C12orf75: variants seen among roughly 807,000 people sequenced by gnomAD.
C12orf75 encodes overexpressed in colon carcinoma 1 protein.
A neutral mutation model predicts 11.4 loss-of-function variants in C12orf75; 4 were observed. That is an observed-to-expected ratio of 0.35 (90% CI 0.17 to 0.80). C12orf75 has a LOEUF of 0.80. C12orf75 is among the 30% of genes least tolerant of loss of function. The pLI is 0.52. For missense variants in C12orf75, 89 were observed against 80.4 expected, an observed-to-expected ratio of 1.11 and a Z score of -0.41; for synonymous variants, 30 against 30.0, an observed-to-expected ratio of 1.00 and a Z score of 0.00.
At chr12:105,337,185 G>A (rs768174810) in intron 1 of C12orf75, among the ~76,000 whole-genome samples, 15 of 151,956 alleles carry the variant, frequency 9.9e-5, no homozygotes, top group Non-Finnish European at 1.3e-4. Flanking sequence ...TTAACCAGGC[G>A]TGGTGGCGCA....
intron 2 of C12orf75, 101 bp downstream of exon 2, chr12:105,348,727 A>C: frequency 1.4e-6 from 1 of 694,934 alleles, no homozygotes; most frequent in Non-Finnish European, 2.4e-6. Flanking sequence ...GGCTGAAAAG[A>C]CATGGAAATA....
chr12:105,367,512 G>A lies in C12orf75; in HGVS notation c.*33+3G>A. ...CATCATGACTCAAGAATCAAGAGGT[G>A]CTGTATATTTTTCTAAATAATTCTA... is the stretch of plus-strand genomic sequence containing the variant. On this transcript the variant is annotated splice_donor_region_variant and intron_variant, in intron 5 of 5. Transcript: ENST00000443585. 1 of 775,780 alleles carries A rather than the reference G, an allele frequency of 1.3e-6. No homozygotes were observed. Among genetic ancestry groups the A allele is most frequent in the South Asian group, 2.0e-5 (1 of 49,512 alleles). The allele number at this position is 775,780 out of a possible 1,614,324, so 48.1% of individuals were successfully genotyped here.
intron 1 of C12orf75, among the ~76,000 whole-genome samples, chr12:105,342,720 A>G (rs545404574): frequency 9.8e-5 from 15 of 152,312 alleles, no homozygotes; most frequent in Middle Eastern, 3.4e-3. Context: ...GCCAAGAGTC[A>G]TCTCATTAGA....
rs1306018163 is a variant in C12orf75, at chr12:105,365,736, T to C, written c.72-71T>C. The C allele has an allele frequency of 8.3e-6, 9 of 1,085,848 alleles. No homozygotes were observed. The East Asian group carries it at 1.3e-4, about 16-fold the overall frequency. 67.3% of individuals were successfully genotyped at this position (1,085,848 alleles called of 1,614,324 possible). On this transcript the variant is annotated intron_variant, in intron 2 of 5. Transcript: ENST00000443585. ...TGACTTCAACTCAGTAGTCCCTTTT[T>C]CTCATAACCAAAAATGAAGTCCCCG... is the stretch of plus-strand genomic sequence containing the variant.
At chr12:105,331,354 A>G (rs1892420230) in intron 1 of C12orf75, among the ~76,000 whole-genome samples, 1 of 151,726 alleles carries the variant, frequency 6.6e-6, no homozygotes, top group Admixed American at 6.6e-5. Context: ...GGAAAAGTGC[A>G]GCAGAGCAAG....
At chr12:105,344,639 A>G (rs1408713298) in intron 1 of C12orf75, among the ~76,000 whole-genome samples, 1 of 151,914 alleles carries the variant, frequency 6.6e-6, no homozygotes, top group East Asian at 1.9e-4. Flanking sequence ...CCAGCTACTC[A>G]GGAGGCTGAG....
intron 1 of C12orf75, among the ~76,000 whole-genome samples, chr12:105,340,534 T>C (rs2136141815): frequency 6.6e-6 from 1 of 152,176 alleles, no homozygotes; most frequent in East Asian, 1.9e-4. Context: ...ATGATACATA[T>C]ATTACATTTA....
chr12:105,370,032 A>T (rs1257648232), intron 5 of C12orf75, among the ~76,000 whole-genome samples: 7 of 152,208 alleles, frequency 4.6e-5, no homozygotes, highest in African/African-American at 1.7e-4. Context: ...TTCAAAGTTG[A>T]TTTGGTTTGG....
At position 105,355,865 on chromosome 12, in the gene C12orf75, G is replaced by C. The variant is rs1012085249; in HGVS notation, c.71+7239G>C. 2.6e-5 allele frequency among the ~76,000 whole-genome samples: 4 copies of C among 152,290 alleles called. No individual in the cohort carries two copies. In the East Asian group the frequency reaches 7.7e-4, roughly 29 times the overall value. On this transcript the variant is annotated intron_variant, in intron 2 of 5. Transcript: ENST00000443585. ...TGCCCCTTAGTAAGAGAATAACTGGGGGGAGGAGAGCTAGAGAGGACAGGG... is the reference window on the plus strand; with the variant it reads ...TGCCCCTTAGTAAGAGAATAACTGGCGGGAGGAGAGCTAGAGAGGACAGGG...
intron 1 of C12orf75, among the ~76,000 whole-genome samples, chr12:105,341,503 G>C (rs1282918922): frequency 6.6e-6 from 1 of 152,116 alleles, no homozygotes; most frequent in Non-Finnish European, 1.5e-5. Flanking sequence ...ATAGATTTGG[G>C]GGTCTTCACA....
At chr12:105,364,763 C>T (rs1261573555) in intron 2 of C12orf75, among the ~76,000 whole-genome samples, 4 of 151,468 alleles carry the variant, frequency 2.6e-5, no homozygotes, top group African/African-American at 9.7e-5. Context: ...CTTATGTATG[C>T]CAACTAGTGC....
rs35185869 is a variant in C12orf75, at chr12:105,344,745, C to CAAA, written c.47-3840_47-3838dup. On this transcript the variant is annotated intron_variant, in intron 1 of 5. Transcript: ENST00000443585. ...TAGGCAACAGAGTGAGACTCTGTGT[C>CAAA]AAAAAAAAAAAAAAAAAAAGTTGAG... is the stretch of plus-strand genomic sequence containing the variant. 3.6e-4 allele frequency among the ~76,000 whole-genome samples: 37 copies of CAAA among 102,560 alleles called. 1 individual carries two copies. Among genetic ancestry groups the CAAA allele is most frequent in the South Asian group, 1.0e-3 (3 of 2,938 alleles). The allele number at this position is 102,560 out of a possible 152,430, so 67.3% of individuals were successfully genotyped here. A position where few individuals can be genotyped will look rare whatever the true frequency, so the allele number is the denominator to read the frequency against.
chr12:105,344,193 T>C (rs908849370), intron 1 of C12orf75, among the ~76,000 whole-genome samples: 4 of 152,230 alleles, frequency 2.6e-5, no homozygotes, highest in African/African-American at 9.6e-5. Context: ...ATTTCTCATT[T>C]CACACACGTT....
intron 1 of C12orf75, among the ~76,000 whole-genome samples, chr12:105,332,149 C>T (rs1388131683): frequency 6.6e-6 from 1 of 152,158 alleles, no homozygotes; most frequent in Non-Finnish European, 1.5e-5. Context: ...GGCTTCAAAC[C>T]TGCCTGTGGC....
chr12:105,352,274 G>A (rs1456315901), intron 2 of C12orf75, among the ~76,000 whole-genome samples: 1 of 152,166 alleles, frequency 6.6e-6, no homozygotes, highest in East Asian at 1.9e-4. Flanking sequence ...TGAGCAGGGT[G>A]AATGATAACC....
chr12:105,334,666 T>C (rs1362297218), intron 1 of C12orf75, among the ~76,000 whole-genome samples: 1 of 152,202 alleles, frequency 6.6e-6, no homozygotes, highest in Non-Finnish European at 1.5e-5. Context: ...AGTGTCACAT[T>C]TGTTATAAGG....
At chr12:105,358,108 GA>G (rs1280425396) in intron 2 of C12orf75, among the ~76,000 whole-genome samples, 1 of 152,134 alleles carries the variant, frequency 6.6e-6, no homozygotes, top group Non-Finnish European at 1.5e-5. Context: ...TTGGCTGCCT[GA>G]ATTGCTGAGA....
intron 2 of C12orf75, among the ~76,000 whole-genome samples, chr12:105,360,978 G>A (rs780721341): frequency 5.9e-5 from 9 of 152,144 alleles, no homozygotes; most frequent in Non-Finnish European, 8.8e-5. Context: ...GTTTCTTCAT[G>A]TTGGCCAGGC....
intron 1 of C12orf75, among the ~76,000 whole-genome samples, chr12:105,348,183 G>A (rs1251340700): frequency 2.6e-5 from 4 of 152,172 alleles, no homozygotes; most frequent in Non-Finnish European, 5.9e-5. Flanking sequence ...GGGCAATCAA[G>A]GTGGGAGGAT....
Sources: allele counts gnomAD v4.1 joint callset (sites outside exome capture counted in the v4.1 genomes callset), GRCh38; gene constraint gnomAD v4.1.1; transcripts MANE v1.5; gene names NCBI Gene and HGNC (gene_info 2026-07-23, HGNC 2026-07-21).